The following DOCK1 variants were observed in gnomAD, a reference collection of about 807,000 sequenced individuals.
DOCK1 encodes the protein dedicator of cytokinesis 1.
In DOCK1, 138 loss-of-function variants were observed where a neutral mutation model predicts 262.7. The observed-to-expected ratio is 0.53, with a 90% CI of 0.46 to 0.61. The LOEUF (loss-of-function observed/expected upper bound fraction) is 0.61, where lower values mean the gene tolerates loss of function less well. DOCK1 is among the 20% of genes least tolerant of loss of function. The probability of loss-of-function intolerance (pLI) is 0.00; values close to 1 mark genes in which losing one functional copy is unlikely to be tolerated. For missense variants in DOCK1, 1,908 were observed against 2,370.7 expected, an observed-to-expected ratio of 0.80 and a Z score of 4.05; for synonymous variants, 866 against 867.4, an observed-to-expected ratio of 1.00 and a Z score of 0.03.
chr10:127,304,426 G>T (rs746532649), intron 29 of DOCK1, among the ~76,000 whole-genome samples: 7 of 152,148 alleles, frequency 4.6e-5, no homozygotes, highest in South Asian at 2.1e-4. Flanking sequence ...AAAAATGTCA[G>T]CCCTTTTCCT....
At position 127,023,210 on chromosome 10, in the gene DOCK1, A is replaced by T. The variant is rs2042572065; in HGVS notation, c.1338A>T (p.Arg446=). The change falls in exon 14 of 52, where the codon CGA becomes CGT. Residue 446 remains arginine (R), a synonymous_variant. Transcript: ENST00000623213. The part of the protein sequence containing the change: ...FPEIIMPGDV[R]NDIYVTLVQG... ...TTTCTCCCCCCTCAGGTGATGTTCG[A>T]AATGATATCTATGTAACATTAGTTC... 1 of 1,613,654 alleles carries T rather than the reference A, an allele frequency of 6.2e-7. No homozygotes were observed. Among genetic ancestry groups the T allele is most frequent in the African/African-American group, 1.3e-5 (1 of 74,920 alleles).
At chr10:127,219,689 T>TG (rs2058349851) in intron 27 of DOCK1, among the ~76,000 whole-genome samples, 1 of 152,208 alleles carries the variant, frequency 6.6e-6, no homozygotes, top group African/African-American at 2.4e-5. Flanking sequence ...CCTGTCTCTA[T>TG]GAGTTTGGTT....
At chr10:126,938,747 A>C in intron 1 of DOCK1, among the ~76,000 whole-genome samples, 1 of 142,464 alleles carries the variant, frequency 7.0e-6, no homozygotes, top group South Asian at 2.1e-4. Flanking sequence ...TCCAGAGGGG[A>C]TGAACACCGG....
At chr10:127,378,363 G>T (rs146553861) in intron 35 of DOCK1, among the ~76,000 whole-genome samples, 4 of 152,324 alleles carry the variant, frequency 2.6e-5, no homozygotes, top group African/African-American at 9.6e-5. Context: ...GGTTCCTCTG[G>T]GAGCTGAGCT....
At chr10:127,342,589 T>C (rs1310361908) in intron 30 of DOCK1, among the ~76,000 whole-genome samples, 5 of 152,344 alleles carry the variant, frequency 3.3e-5, no homozygotes, top group African/African-American at 2.4e-5. Flanking sequence ...TCTCAAATCC[T>C]ACAAATGCTC....
chr10:127,045,199 A>G (rs569036205), intron 21 of DOCK1, among the ~76,000 whole-genome samples: 1 of 128,364 alleles, frequency 7.8e-6, no homozygotes, highest in East Asian at 2.3e-4. Context: ...CTCTGTCTCA[A>G]TAAAAAAAAA....
chr10:127,042,825 G>A, intron 20 of DOCK1, 111 bp downstream of exon 20: 1 of 1,160,484 alleles, frequency 8.6e-7, no homozygotes, highest in Non-Finnish European at 1.3e-6. Flanking sequence ...CGCATTTTCA[G>A]TTGTAAATCC....
intron 38 of DOCK1, among the ~76,000 whole-genome samples, chr10:127,394,002 A>G (rs1384581240): frequency 6.6e-6 from 1 of 152,062 alleles, no homozygotes. Context: ...TTTTCTGAAG[A>G]TGCTCTGAAT....
chr10:126,995,992 C>T lies in DOCK1; in HGVS notation c.474-756C>T, dbSNP rs911493516. On this transcript the variant is annotated intron_variant, in intron 6 of 51. Transcript: ENST00000623213. The surrounding 1 kb of genome is among the most constrained non-coding windows in gnomAD (Gnocchi z 5.8). ...TTCTTCCCTCTCTCCTTCCTCAACTCTCTGATGATGTCACAACTGCCAGCT... is the reference window on the plus strand; with the variant it reads ...TTCTTCCCTCTCTCCTTCCTCAACTTTCTGATGATGTCACAACTGCCAGCT... Among the ~76,000 whole-genome samples the T allele has an allele frequency of 2.0e-4, 31 of 152,098 alleles. No individual in the cohort carries two copies. Among genetic ancestry groups the T allele is most frequent in the African/African-American group, 7.0e-4 (29 of 41,394 alleles).
At chr10:127,387,464 A>G (rs1408378522) in intron 38 of DOCK1, among the ~76,000 whole-genome samples, 1 of 152,190 alleles carries the variant, frequency 6.6e-6, no homozygotes, top group Non-Finnish European at 1.5e-5. Flanking sequence ...TGGTGGACTC[A>G]AGGAATGTCT....
At chr10:126,972,902 G>A (rs1256985525) in intron 2 of DOCK1, among the ~76,000 whole-genome samples, 2 of 151,528 alleles carry the variant, frequency 1.3e-5, no homozygotes, top group Admixed American at 6.6e-5. Flanking sequence ...TTGTGATGGG[G>A]TCTTCTGCTT....
chr10:127,370,715 G>A (rs186133711), intron 33 of DOCK1, among the ~76,000 whole-genome samples: 3 of 152,258 alleles, frequency 2.0e-5, no homozygotes, highest in East Asian at 1.9e-4. Context: ...TTAACAAGAC[G>A]TCAATATCGC....
chr10:127,199,720 G>A (rs936461912), intron 27 of DOCK1, among the ~76,000 whole-genome samples: 3 of 152,222 alleles, frequency 2.0e-5, no homozygotes, highest in Admixed American at 6.5e-5. Context: ...AACTTCACTG[G>A]TGCTGGATCA....
chr10:127,094,465 C>G (rs1400943419), intron 23 of DOCK1, among the ~76,000 whole-genome samples: 1 of 152,136 alleles, frequency 6.6e-6, no homozygotes, highest in African/African-American at 2.4e-5. Flanking sequence ...TGTCCTGCTC[C>G]CTCTACCTGT....
chr10:127,132,929 T>C (rs1337676215), intron 27 of DOCK1, among the ~76,000 whole-genome samples: 5 of 152,180 alleles, frequency 3.3e-5, no homozygotes, highest in Non-Finnish European at 7.4e-5. Context: ...CCTTTGAACA[T>C]TGACAGAAGT....
At chr10:126,949,998 T>C (rs1375804386) in intron 1 of DOCK1, among the ~76,000 whole-genome samples, 2 of 151,976 alleles carry the variant, frequency 1.3e-5, no homozygotes, top group Admixed American at 1.3e-4. Flanking sequence ...AAAGCAGGTT[T>C]CTCCCACCTT....
In DOCK1 at chr10:127,347,890, TTCCCTTCC is replaced by T. The variant is rs1565012467; in HGVS notation, c.3224+4145_3224+4152del. 4.4e-4 allele frequency among the ~76,000 whole-genome samples: 13 copies of T among 29,738 alleles called. 1 individual carries two copies. The highest frequency in any genetic ancestry group is 1.9e-3 in the African/African-American group (11 of 5,940). 19.5% of individuals were successfully genotyped at this position (29,738 alleles called of 152,430 possible). ...TTCCCTTCCCTTCCCTTCCCATCCC[TTCCCTTCC>T]CCCTTGCTAAGCCCTTGCAGCTCCT... is the stretch of plus-strand genomic sequence containing the variant. On this transcript the variant is annotated intron_variant, in intron 31 of 51. Coordinates refer to ENST00000623213, the MANE Select transcript of DOCK1 (RefSeq NM_001290223.2).
intron 15 of DOCK1, chr10:127,026,067 A>AAAAAAAAG (rs558233942): frequency 4.8e-6 from 1 of 209,062 alleles, no homozygotes. Flanking sequence ...ATCAAAAAAA[A>AAAAAAAAG]AAAAAGAAAG....
intron 27 of DOCK1, among the ~76,000 whole-genome samples, chr10:127,188,196 G>T (rs1002441517): frequency 2.6e-5 from 4 of 152,164 alleles, no homozygotes; most frequent in Admixed American, 6.5e-5. Flanking sequence ...CCCTGGCCTG[G>T]CTGGGCTGTG....
Sources: allele counts gnomAD v4.1 joint callset (sites outside exome capture counted in the v4.1 genomes callset), GRCh38; gene constraint gnomAD v4.1.1; non-coding constraint Gnocchi (gnomAD v3.1); transcripts MANE v1.5; gene names NCBI Gene and HGNC (gene_info 2026-07-23, HGNC 2026-07-21).